HMCN1: variants seen among roughly 807,000 people sequenced by gnomAD.
The protein encoded by HMCN1 is hemicentin-1.
In HMCN1, 321 loss-of-function variants were observed where a neutral mutation model predicts 625.9. The ratio of observed to expected loss-of-function variants is 0.51; its 90% confidence interval spans 0.47 to 0.56. The LOEUF (loss-of-function observed/expected upper bound fraction) is 0.56. Ranked by LOEUF, HMCN1 falls within the 20% of genes least tolerant of loss-of-function variation. The probability of loss-of-function intolerance (pLI) is 0.00; values close to 1 mark genes in which losing one functional copy is unlikely to be tolerated. For synonymous variants in HMCN1, 2,425 were observed against 2,417.6 expected, an observed-to-expected ratio of 1.00 and a Z score of -0.09; for missense variants, 6,588 against 6,887.3, an observed-to-expected ratio of 0.96 and a Z score of 1.54.
intron 11 of HMCN1, among the ~76,000 whole-genome samples, chr1:185,941,695 T>C (rs1452971919): frequency 6.6e-6 from 1 of 152,228 alleles, no homozygotes; most frequent in Admixed American, 6.5e-5. Flanking sequence ...TCCAGTTTCA[T>C]GCAATAAAAT....
At chr1:185,866,652 C>T (rs910437168) in intron 4 of HMCN1, among the ~76,000 whole-genome samples, 2 of 151,770 alleles carry the variant, frequency 1.3e-5, no homozygotes, top group South Asian at 4.2e-4. Flanking sequence ...GTGATCCGCC[C>T]GCCTCGGCCT....
intron 4 of HMCN1, among the ~76,000 whole-genome samples, chr1:185,900,035 C>T (rs150410224): frequency 4.0e-4 from 60 of 151,762 alleles, no homozygotes; most frequent in Non-Finnish European, 7.7e-4. Context: ...CTTTTTTTCT[C>T]CTCTCTTCCT....
At position 186,019,590 on chromosome 1, in the gene HMCN1, A is replaced by T; in HGVS notation, c.5520A>T (p.Lys1840Asn). The change falls in exon 35 of 107, where the codon AAA (lysine) becomes AAT (asparagine). Residue 1840 changes from lysine (K) to asparagine (N), a missense_variant. Physicochemically the swap from Lys to Asn is moderately conservative, Grantham distance 94. Transcript: ENST00000271588. ...SSGLSERVVVKYKPVALQCIA... is the reference protein window; with the variant it reads ...SSGLSERVVVNYKPVALQCIA... Reference sequence around the variant, plus strand: ...GCCTTTCTGAGAGAGTTGTGGTAAAATACAAGCCTGTCGCCTTGCAGTGCA... The same window carrying T: ...GCCTTTCTGAGAGAGTTGTGGTAAATTACAAGCCTGTCGCCTTGCAGTGCA... 6.2e-7 allele frequency: 1 copy of T among 1,610,860 alleles called. No homozygotes were observed. The highest frequency in any genetic ancestry group is 8.5e-7 in the Non-Finnish European group (1 of 1,177,320).
chr1:185,799,579 G>T (rs563652871), intron 1 of HMCN1, among the ~76,000 whole-genome samples: 2 of 152,238 alleles, frequency 1.3e-5, no homozygotes, highest in East Asian at 3.9e-4. Flanking sequence ...CCCTTGGTGT[G>T]GTAGCTTTCT....
At chr1:186,149,189 A>G (rs1650521340) in intron 93 of HMCN1, among the ~76,000 whole-genome samples, 1 of 152,198 alleles carries the variant, frequency 6.6e-6, no homozygotes, top group South Asian at 2.1e-4. Context: ...CTTTGAAGCC[A>G]GGCATTGATT....
intron 1 of HMCN1, among the ~76,000 whole-genome samples, chr1:185,834,733 T>C (rs962878940): frequency 2.0e-5 from 3 of 152,144 alleles, no homozygotes; most frequent in African/African-American, 7.2e-5. Flanking sequence ...GTGGGGATAA[T>C]TGCAGGCCGT....
intron 74 of HMCN1, 133 bp downstream of exon 74, chr1:186,115,079 C>T (rs1488274270): frequency 1.4e-6 from 2 of 1,428,096 alleles, no homozygotes; most frequent in East Asian, 4.6e-5. Context: ...AATAGCAAGC[C>T]CCAAGTTTTC....
At chr1:186,000,559 A>ATGTGTGTGTGTGTGTGTGTGTGTG (rs68110596) in intron 26 of HMCN1, among the ~76,000 whole-genome samples, 1 of 144,652 alleles carries the variant, frequency 6.9e-6, no homozygotes, top group Non-Finnish European at 1.5e-5. Context: ...GTGTGTGTGT[A>ATGTGTGTGTGTGTGTGTGTGTGTG]TGTGTGTGTG....
chr1:186,028,256 A>G (rs1030530924), intron 36 of HMCN1, among the ~76,000 whole-genome samples: 9 of 152,160 alleles, frequency 5.9e-5, no homozygotes, highest in Non-Finnish European at 8.8e-5. Flanking sequence ...GAAAAAGGAA[A>G]AAAAACCCAG....
chr1:186,020,422 G>A (rs1012079755), intron 35 of HMCN1, among the ~76,000 whole-genome samples: 5 of 151,962 alleles, frequency 3.3e-5, no homozygotes, highest in East Asian at 1.9e-4. Context: ...TTTAGTAGAC[G>A]TGGTGGATAT....
chr1:186,137,907 A>G lies in HMCN1; in HGVS notation c.13859A>G (p.His4620Arg). Residue 4620 changes from histidine to arginine, a missense_variant, in exon 89 of 107, where the codon CAT becomes CGT. Physicochemically the swap from His to Arg is conservative, Grantham distance 29 (BLOSUM62 0). This residue lies in a region of HMCN1 where 1,954 missense variants were observed against 2,013.1 expected (regional missense o/e 0.97). Coordinates refer to ENST00000271588, the MANE Select transcript of HMCN1 (RefSeq NM_031935.3). ...TRTCNNPSVQHGGRPCEGNAV... is the reference protein window; with the variant it reads ...TRTCNNPSVQRGGRPCEGNAV... ...ACTTGCAATAATCCATCAGTTCAGC[A>G]TGGTGGGCGGCCATGTGAAGGGAAT... is the stretch of plus-strand genomic sequence containing the variant. 3 of 1,614,082 alleles carry G rather than the reference A, an allele frequency of 1.9e-6. No individual in the cohort carries two copies. The highest frequency in any genetic ancestry group is 2.5e-6 in the Non-Finnish European group (3 of 1,179,970).
At chr1:185,841,293 T>G (rs1013685265) in intron 1 of HMCN1, among the ~76,000 whole-genome samples, 1 of 152,232 alleles carries the variant, frequency 6.6e-6, no homozygotes, top group African/African-American at 2.4e-5. Flanking sequence ...AAATTGTTTA[T>G]TTTTGTATAA....
intron 11 of HMCN1, among the ~76,000 whole-genome samples, chr1:185,948,240 G>A (rs943885631): frequency 2.0e-5 from 3 of 152,174 alleles, no homozygotes; most frequent in African/African-American, 7.2e-5. Context: ...ATTGCTTGAT[G>A]TTAGAGCATT....
intron 2 of HMCN1, among the ~76,000 whole-genome samples, chr1:185,857,333 C>G (rs556293877): frequency 1.3e-5 from 2 of 152,136 alleles, no homozygotes; most frequent in South Asian, 2.1e-4. Flanking sequence ...ACTGTGCATA[C>G]TGATACTAAT....
chr1:186,161,717 A>G (rs1651493583), intron 97 of HMCN1, among the ~76,000 whole-genome samples: 1 of 152,064 alleles, frequency 6.6e-6, no homozygotes, highest in African/African-American at 2.4e-5. Context: ...TGGGTTGAAA[A>G]TTCTTTTCTT....
chr1:185,871,228 CAAAAAAAAA>C (rs556627020), intron 4 of HMCN1, among the ~76,000 whole-genome samples: 1 of 67,358 alleles, frequency 1.5e-5, no homozygotes. Flanking sequence ...GACTCCGTCT[CAAAAAAAAA>C]AAAAAAAAAG....
At position 186,169,016 on chromosome 1, in the gene HMCN1, T is replaced by C. The variant is rs999225654; in HGVS notation, c.15574+2074T>C. ...CCCACTTAGGAGAGAGAACATGTGG[T>C]ATTTGGTTTTCTGTTCCTGTGTTAG... On this transcript the variant is annotated intron_variant, in intron 100 of 106. Transcript: ENST00000271588. Among the ~76,000 whole-genome samples, 12 of 152,074 alleles carry C rather than the reference T, an allele frequency of 7.9e-5. No homozygotes were observed. The East Asian group carries it at 2.3e-3, about 29-fold the overall frequency.
intron 42 of HMCN1, 79 bp from the exon 43 acceptor site, chr1:186,052,873 G>T: frequency 8.3e-7 from 1 of 1,201,742 alleles, no homozygotes; most frequent in Non-Finnish European, 1.2e-6. Flanking sequence ...TTGAGTAGAA[G>T]CCTTTTATCT....
At chr1:186,146,182 A>G (rs928621071) in intron 93 of HMCN1, among the ~76,000 whole-genome samples, 1 of 152,122 alleles carries the variant, frequency 6.6e-6, no homozygotes, top group African/African-American at 2.4e-5. Flanking sequence ...CAGAGTGGGG[A>G]AAAATGGGCT....
Sources: gnomAD v4.1 joint callset for allele counts (sites outside exome capture counted in the v4.1 genomes callset) on GRCh38, gnomAD v4.1.1 for gene constraint, gnomAD v4.1.1 regional missense constraint, MANE v1.5 for transcripts, NCBI Gene and HGNC (gene_info 2026-07-23, HGNC 2026-07-21) for gene names.